Variants in NKAIN2 observed in about 807,000 individuals in gnomAD.
The protein encoded by NKAIN2 is sodium/potassium transporting ATPase interacting 2, also known as sodium/potassium-transporting ATPase subunit beta-1-interacting protein 2.
A neutral mutation model predicts 32.6 loss-of-function variants in NKAIN2; 14 were observed. The observed-to-expected ratio is 0.43, with a 90% CI of 0.28 to 0.67. The LOEUF (loss-of-function observed/expected upper bound fraction) is 0.67, where lower values mean the gene tolerates loss of function less well. NKAIN2 is among the 30% of genes least tolerant of loss of function. The probability of loss-of-function intolerance (pLI) is 0.17; values close to 1 mark genes in which losing one functional copy is unlikely to be tolerated. For missense variants in NKAIN2, 198 were observed against 258.3 expected, an observed-to-expected ratio of 0.77 and a Z score of 1.60; for synonymous variants, 80 against 87.2, an observed-to-expected ratio of 0.92 and a Z score of 0.46.
At chr6:123,883,620 T>C (rs930245858) in intron 1 of NKAIN2, among the ~76,000 whole-genome samples, 2 of 150,504 alleles carry the variant, frequency 1.3e-5, no homozygotes, top group Non-Finnish European at 2.9e-5. Context: ...TCAGAACCAC[T>C]AGCCAATTAA....
intron 1 of NKAIN2, among the ~76,000 whole-genome samples, chr6:123,954,918 G>T (rs1297702568): frequency 6.6e-6 from 1 of 152,094 alleles, no homozygotes; most frequent in African/African-American, 2.4e-5. Flanking sequence ...CAGCAGAGAA[G>T]AAATCAGTGA....
At chr6:124,008,664 T>G (rs535609661) in intron 1 of NKAIN2, among the ~76,000 whole-genome samples, 1 of 152,258 alleles carries the variant, frequency 6.6e-6, no homozygotes, top group African/African-American at 2.4e-5. Flanking sequence ...CTTGCTGATC[T>G]TCTTGCTTCT....
chr6:123,974,160 A>G (rs1423728421), intron 1 of NKAIN2, among the ~76,000 whole-genome samples: 1 of 152,194 alleles, frequency 6.6e-6, no homozygotes, highest in Non-Finnish European at 1.5e-5. Context: ...TAGGTAGGTT[A>G]TGAAGCATTA....
At chr6:124,204,974 C>G (rs1316762440) in intron 1 of NKAIN2, among the ~76,000 whole-genome samples, 1 of 83,706 alleles carries the variant, frequency 1.2e-5, no homozygotes, top group Non-Finnish European at 2.7e-5. Flanking sequence ...TCCTCTGCAT[C>G]TAAAAAAAAG....
intron 4 of NKAIN2, among the ~76,000 whole-genome samples, chr6:124,729,533 A>C (rs1245957416): frequency 6.6e-6 from 1 of 151,706 alleles, no homozygotes; most frequent in Non-Finnish European, 1.5e-5. Context: ...AACTCTCAAT[A>C]AATTAGGTAT....
chr6:124,408,354 A>G (rs1300456395), intron 3 of NKAIN2, among the ~76,000 whole-genome samples: 1 of 152,172 alleles, frequency 6.6e-6, no homozygotes, highest in Non-Finnish European at 1.5e-5. Context: ...TCTTTAATCC[A>G]TCTTGAATTA....
rs1004057948 is a variant in NKAIN2, at chr6:124,670,868, A to T, written c.474+12482A>T. ...CATGAATCCAAAGAAAATGGAACTT[A>T]TCAGAAGCTGAGCCTCAAGCTTTAC... On this transcript the variant is annotated intron_variant, in intron 4 of 6. Coordinates refer to ENST00000368417, the MANE Select transcript of NKAIN2 (RefSeq NM_001040214.3). Among the ~76,000 whole-genome samples, 29 of 152,148 alleles carry T rather than the reference A, an allele frequency of 1.9e-4. 2 individuals carry two copies. Among genetic ancestry groups the T allele is most frequent in the African/African-American group, 7.0e-4 (29 of 41,528 alleles).
intron 6 of NKAIN2, 55 bp downstream of exon 6, chr6:124,818,523 C>A: frequency 1.3e-6 from 1 of 742,450 alleles, no homozygotes; most frequent in South Asian, 2.1e-5. Context: ...AATCAAGTAA[C>A]TGTATCACGA....
intron 1 of NKAIN2, among the ~76,000 whole-genome samples, chr6:124,170,188 A>G (rs565681446): frequency 6.6e-6 from 1 of 152,138 alleles, no homozygotes; most frequent in African/African-American, 2.4e-5. Context: ...ATTATTGTCT[A>G]ATATTTTGTA....
Position 124,033,976 on chromosome 6 carries a change from T to C in NKAIN2, c.54+229722T>C, listed in dbSNP as rs77779077. On this transcript the variant is annotated intron_variant, in intron 1 of 6. Transcript: ENST00000368417. ...AGAGTACATGTTCACAATTAAAGTT[T>C]GAAATTTGTGCTTTGATAACAGCAT... 5.9e-5 allele frequency among the ~76,000 whole-genome samples: 9 copies of C among 152,268 alleles called. No homozygotes were observed. The South Asian group carries it at 1.2e-3, about 21-fold the overall frequency.
At chr6:124,389,688 C>G (rs9491152) in intron 3 of NKAIN2, among the ~76,000 whole-genome samples, 10,461 of 150,116 alleles carry the variant, frequency 0.07, 1,011 homozygotes, top group African/African-American at 0.22. Flanking sequence ...CTATCTTTCT[C>G]TCTCCTTTCC....
intron 1 of NKAIN2, among the ~76,000 whole-genome samples, chr6:123,814,513 T>C (rs1773611092): frequency 6.6e-6 from 1 of 152,212 alleles, no homozygotes; most frequent in African/African-American, 2.4e-5. Flanking sequence ...CATTTAATTA[T>C]ATTCCTCTTT....
chr6:124,278,704 CTG>C (rs1309607292), intron 1 of NKAIN2, among the ~76,000 whole-genome samples: 3 of 109,328 alleles, frequency 2.7e-5, no homozygotes, highest in African/African-American at 6.6e-5. Flanking sequence ...ATTATATGAG[CTG>C]GAAAACATGA....
rs1776400479 is a variant in NKAIN2 at position 123,934,280 on chromosome 6, A to G, written c.54+130026A>G. Among the ~76,000 whole-genome samples, 4 of 152,268 alleles carry G rather than the reference A, an allele frequency of 2.6e-5. No homozygotes were observed. In the South Asian group the frequency reaches 8.3e-4, roughly 31 times the overall value. On this transcript the variant is annotated intron_variant, in intron 1 of 6. Transcript: ENST00000368417. The stretch of plus-strand genomic sequence containing the variant: ...ATAGAATTATTTGATGTCTCTGGTT[A>G]TATTTTGTGTTTTGGTCCACCCTGT...
chr6:124,429,237 G>A (rs1374552529), intron 3 of NKAIN2, among the ~76,000 whole-genome samples: 1 of 150,620 alleles, frequency 6.6e-6, no homozygotes, highest in East Asian at 2.0e-4. Context: ...TAGTAGAGAC[G>A]AGGTTTCACT....
At chr6:124,779,564 C>T (rs1379507019) in intron 4 of NKAIN2, among the ~76,000 whole-genome samples, 3 of 152,020 alleles carry the variant, frequency 2.0e-5, no homozygotes, top group Admixed American at 2.0e-4. Context: ...GCTATAATGG[C>T]CTCCAATTGA....
At chr6:124,015,576 G>A (rs1330529570) in intron 1 of NKAIN2, among the ~76,000 whole-genome samples, 3 of 152,130 alleles carry the variant, frequency 2.0e-5, no homozygotes, top group Non-Finnish European at 4.4e-5. Flanking sequence ...AAATAGTTCA[G>A]CTGAGAACAA....
intron 1 of NKAIN2, among the ~76,000 whole-genome samples, chr6:123,965,096 T>C (rs892809653): frequency 6.6e-6 from 1 of 152,136 alleles, no homozygotes; most frequent in Non-Finnish European, 1.5e-5. Flanking sequence ...AATGTCTTCA[T>C]AGCATGAGTG....
Position 124,271,434 on chromosome 6 carries a change from T to C in NKAIN2, c.55-11571T>C, listed in dbSNP as rs1009196596. 5.9e-5 allele frequency among the ~76,000 whole-genome samples: 9 copies of C among 152,158 alleles called. 1 individual carries two copies. Among genetic ancestry groups the C allele is most frequent in the Admixed American group, 3.9e-4 (6 of 15,280 alleles). On this transcript the variant is annotated intron_variant, in intron 1 of 6. Transcript: ENST00000368417. ...TGTTTCACCATGTTAGCCGGGATGG[T>C]CTTGATCTCCTGACCTCGTGATCCA...
Sources: gnomAD v4.1 joint callset for allele counts (sites outside exome capture counted in the v4.1 genomes callset) on GRCh38, gnomAD v4.1.1 for gene constraint, MANE v1.5 for transcripts, NCBI Gene and HGNC (gene_info 2026-07-23, HGNC 2026-07-21) for gene names.